Variants in OPRK1 observed in about 807,000 individuals in gnomAD.
OPRK1 encodes the protein opioid receptor kappa 1.
A neutral mutation model predicts 24.5 loss-of-function variants in OPRK1; 15 were observed. That is an observed-to-expected ratio of 0.61 (90% CI 0.41 to 0.94). The LOEUF is 0.94. Among genes scored for constraint, OPRK1 ranks in the 40% least tolerant of loss-of-function variants. OPRK1 has a pLI of 0.00. For synonymous variants in OPRK1, 205 were observed against 198.0 expected, an observed-to-expected ratio of 1.04 and a Z score of -0.30; for missense variants, 479 against 507.3, an observed-to-expected ratio of 0.94 and a Z score of 0.54.
At chr8:53,237,717 A>G (rs2128809019) in intron 2 of OPRK1, among the ~76,000 whole-genome samples, 1 of 152,352 alleles carries the variant, frequency 6.6e-6, no homozygotes, top group East Asian at 1.9e-4. Flanking sequence ...ACATCTCCCC[A>G]GCACTTTGTA....
chr8:53,230,899 A>T (rs1266185714), intron 3 of OPRK1, among the ~76,000 whole-genome samples: 1 of 152,232 alleles, frequency 6.6e-6, no homozygotes. Context: ...CTGCTTCAAA[A>T]ATAGCACATG....
chr8:53,247,933 A>ATGAGC lies in OPRK1; in HGVS notation c.257+2843_257+2847dup, dbSNP rs1163724588. ...TTGAGCCTGGGAGGCAGAGGTTGCA[A>ATGAGC]TGAGCTGAGATCATGCCGCTGCACT... On this transcript the variant is annotated intron_variant, in intron 2 of 3. Transcript: ENST00000265572. Among the ~76,000 whole-genome samples, 7 of 143,202 alleles carry ATGAGC rather than the reference A, an allele frequency of 4.9e-5. 1 individual carries two copies. The highest frequency in any genetic ancestry group is 3.6e-3 in the Middle Eastern group (1 of 280). 93.9% of individuals were successfully genotyped at this position (143,202 alleles called of 152,430 possible). A position where few individuals can be genotyped will look rare whatever the true frequency, so the allele number is the denominator to read the frequency against.
At chr8:53,237,341 A>C (rs1171964469) in intron 2 of OPRK1, among the ~76,000 whole-genome samples, 1 of 152,212 alleles carries the variant, frequency 6.6e-6, no homozygotes, top group Non-Finnish European at 1.5e-5. Flanking sequence ...GTAGTCATAC[A>C]ATGTAGAGTG....
At chr8:53,250,220 A>G (rs1807340019) in intron 2 of OPRK1, among the ~76,000 whole-genome samples, 1 of 152,210 alleles carries the variant, frequency 6.6e-6, no homozygotes, top group South Asian at 2.1e-4. Context: ...ATGGGATGCC[A>G]TTTGATACTA....
chr8:53,251,174 C>T, intron 1 of OPRK1, 89 bp from the exon 2 acceptor site: 1 of 1,355,650 alleles, frequency 7.4e-7, no homozygotes, highest in Non-Finnish European at 9.5e-7. Context: ...AGCCTGCGGA[C>T]TCCCACCCGG....
intron 3 of OPRK1, among the ~76,000 whole-genome samples, chr8:53,230,409 T>C (rs1018664975): frequency 5.3e-5 from 8 of 152,152 alleles, no homozygotes; most frequent in African/African-American, 1.9e-4. Context: ...ATGGAACCAA[T>C]GACACTCATT....
rs1806959295 is a variant in OPRK1, at chr8:53,235,100, A to C, written c.269T>G (p.Met90Arg). The C allele has an allele frequency of 3.7e-6, 6 of 1,612,170 alleles. No individual in the cohort carries two copies. Among genetic ancestry groups the C allele is most frequent in the African/African-American group, 2.7e-5 (2 of 74,860 alleles). ...VMFVIIRYTKMKTATNIYIFN... is the reference protein window; with the variant it reads ...VMFVIIRYTKRKTATNIYIFN... ...TATGTAAATGTTGGTTGCTGTCTTC[A>C]TCTTTGTGTATCTAAAAGAAAAGAA... is the stretch of plus-strand genomic sequence containing the variant. The change falls in exon 3 of 4, where the codon ATG becomes AGG. Residue 90 changes from methionine (M) to arginine (R), a missense_variant. By Grantham distance (91) the Met-to-Arg change is moderately conservative. Transcript: ENST00000265572.
At chr8:53,237,217 C>T (rs6996658) in intron 2 of OPRK1, among the ~76,000 whole-genome samples, 6,651 of 152,222 alleles carry the variant, frequency 0.044, 165 homozygotes, top group African/African-American at 0.063. Context: ...GTCATATTTA[C>T]CCAGTTCAGC....
Position 53,250,828 on chromosome 8 carries a change from G to T in OPRK1, c.210C>A (p.Phe70Leu). 1 of 1,611,620 alleles carries T rather than the reference G, an allele frequency of 6.2e-7. No homozygotes were observed. The highest frequency in any genetic ancestry group is 1.1e-5 in the South Asian group (1 of 90,778). The change falls in exon 2 of 4, where the codon TTC (phenylalanine) becomes TTA (leucine). Residue 70 changes from phenylalanine to leucine, a missense_variant. By Grantham distance (22) the Phe-to-Leu change is conservative. Coordinates refer to ENST00000265572, the MANE Select transcript of OPRK1 (RefSeq NM_000912.5). ...GCGAGTTGCCCACCAAGCCCACGAC[G>T]AACACTACGGAGTAGACCGCCGTGA... is the stretch of plus-strand genomic sequence containing the variant. ...VIITAVYSVV[F>L]VVGLVGNSLV...
At chr8:53,236,348 C>A (rs1283057468) in intron 2 of OPRK1, among the ~76,000 whole-genome samples, 1 of 152,202 alleles carries the variant, frequency 6.6e-6, no homozygotes, top group Non-Finnish European at 1.5e-5. Flanking sequence ...CAGGTTCACA[C>A]TCCAGCCTCA....
intron 3 of OPRK1, among the ~76,000 whole-genome samples, chr8:53,230,822 T>C (rs1806833530): frequency 6.6e-6 from 1 of 152,124 alleles, no homozygotes; most frequent in Admixed American, 6.6e-5. Context: ...ACAGACAAGG[T>C]AGTCATGAGC....
chr8:53,227,782 T>C lies in OPRK1; in HGVS notation c.*1515A>G, dbSNP rs201201262. 15 of 151,862 alleles carry C rather than the reference T, an allele frequency of 9.9e-5. No homozygotes were observed. The highest frequency in any genetic ancestry group is 4.8e-5 in the African/African-American group (2 of 41,338). The allele number at this position is 151,862 out of a possible 1,614,324, so 9.4% of individuals were successfully genotyped here. On this transcript the variant is annotated 3_prime_UTR_variant, in exon 4 of 4. Coordinates refer to ENST00000265572, the MANE Select transcript of OPRK1 (RefSeq NM_000912.5). Reference sequence around the variant, plus strand: ...GTACATACACCACCGAGAACTTGCATGGTGAACAGAACTTAACAGTTGTAA... The same window carrying C: ...GTACATACACCACCGAGAACTTGCACGGTGAACAGAACTTAACAGTTGTAA...
chr8:53,229,232 G>A lies in OPRK1; in HGVS notation c.*65C>T, dbSNP rs1585626127. ...ATGTCAGACTGCAGTAGTGATCTGAGTTAAACCTAGATCATTGAACTCCTC... is the reference window on the plus strand; with the variant it reads ...ATGTCAGACTGCAGTAGTGATCTGAATTAAACCTAGATCATTGAACTCCTC... On this transcript the variant is annotated 3_prime_UTR_variant, in exon 4 of 4. Transcript: ENST00000265572. 13 of 1,533,636 alleles carry A rather than the reference G, an allele frequency of 8.5e-6. No individual in the cohort carries two copies. In the East Asian group the frequency reaches 2.9e-4, roughly 35 times the overall value.
chr8:53,241,306 T>G (rs1807111914), intron 2 of OPRK1, among the ~76,000 whole-genome samples: 2 of 152,192 alleles, frequency 1.3e-5, no homozygotes, highest in African/African-American at 4.8e-5. Context: ...TTCAGTCAGT[T>G]TCAGTTCACC....
intron 2 of OPRK1, among the ~76,000 whole-genome samples, chr8:53,244,443 C>T (rs557959174): frequency 6.6e-6 from 1 of 152,274 alleles, no homozygotes; most frequent in African/African-American, 2.4e-5. Context: ...TTTTCTTCTA[C>T]ACCCCTTACA....
intron 2 of OPRK1, among the ~76,000 whole-genome samples, chr8:53,249,817 G>T (rs1386696248): frequency 6.6e-6 from 1 of 152,036 alleles, no homozygotes; most frequent in Non-Finnish European, 1.5e-5. Context: ...AGGGTGACTT[G>T]CATCCCGCCC....
chr8:53,243,989 T>C lies in OPRK1; in HGVS notation c.257+6792A>G, dbSNP rs1352168437. Reference sequence around the variant, plus strand: ...GGCTATGTTGACACTTAGGAGAATGTGGAACATGTATGTACACACAACTAC... The same window carrying C: ...GGCTATGTTGACACTTAGGAGAATGCGGAACATGTATGTACACACAACTAC... On this transcript the variant is annotated intron_variant, in intron 2 of 3. Coordinates refer to ENST00000265572, the MANE Select transcript of OPRK1 (RefSeq NM_000912.5). Among the ~76,000 whole-genome samples the C allele has an allele frequency of 2.0e-5, 3 of 152,174 alleles. No homozygotes were observed. In the East Asian group the frequency reaches 5.8e-4, roughly 29 times the overall value.
intron 2 of OPRK1, among the ~76,000 whole-genome samples, chr8:53,246,469 G>A (rs1307337330): frequency 6.6e-6 from 1 of 152,202 alleles, no homozygotes; most frequent in Non-Finnish European, 1.5e-5. Context: ...ATGGAGGGTT[G>A]GTGGATAGTG....
intron 2 of OPRK1, among the ~76,000 whole-genome samples, chr8:53,245,213 G>A (rs1807202000): frequency 6.6e-6 from 1 of 152,230 alleles, no homozygotes; most frequent in South Asian, 2.1e-4. Context: ...ACTGCATTTG[G>A]AGACAGGAGC....
Sources: gnomAD v4.1 joint callset for allele counts (sites outside exome capture counted in the v4.1 genomes callset) on GRCh38, gnomAD v4.1.1 for gene constraint, MANE v1.5 for transcripts, NCBI Gene and HGNC (gene_info 2026-07-23, HGNC 2026-07-21) for gene names.